Variants in CEP128 observed in about 807,000 individuals in gnomAD.
CEP128 encodes centrosomal protein 128.
Under a neutral mutation model 156.7 loss-of-function variants are expected in CEP128, and 132 were observed. The ratio of observed to expected loss-of-function variants is 0.84; its 90% CI spans 0.73 to 0.97. The LOEUF (loss-of-function observed/expected upper bound fraction) is 0.97. Among genes scored for constraint, CEP128 ranks in the 50% least tolerant of loss-of-function variants. CEP128 has a pLI of 0.00. For missense variants in CEP128, 1,252 were observed against 1,281.9 expected (o/e 0.98, Z 0.36); for synonymous variants, 469 against 448.9 (o/e 1.04, Z -0.57).
At position 80,660,548 on chromosome 14, in the gene CEP128, A is replaced by AC. The variant is rs577984887; in HGVS notation, c.2807-80126dup. 2.0e-5 allele frequency among the ~76,000 whole-genome samples: 3 copies of AC among 152,304 alleles called. No individual in the cohort carries two copies. In the East Asian group the frequency reaches 5.8e-4, roughly 29 times the overall value. On this transcript the variant is annotated intron_variant, in intron 19 of 24. Transcript: ENST00000555265. ...CAGCCTACATCATATTTGGGTATAG[A>AC]CAGACGCATGCTAAACAGCAACTCA...
At chr14:80,678,049 A>AAATATATATATAT in intron 19 of CEP128, among the ~76,000 whole-genome samples, 26 of 98,496 alleles carry the variant, frequency 2.6e-4, no homozygotes, top group African/African-American at 8.2e-4. Context: ...ATAAAAAAAA[A>AAATATATATATAT]ATATATATAT....
intron 2 of CEP128, among the ~76,000 whole-genome samples, chr14:80,950,906 G>GAAAAAAAAAAAAAAAAAA: frequency 8.7e-6 from 1 of 115,060 alleles, no homozygotes; most frequent in Non-Finnish European, 1.9e-5. Flanking sequence ...TCCCGAGTAA[G>GAAAAAAAAAAAAAAAAAA]AAAAAAAAAA....
chr14:80,746,835 A>G (rs573485356), intron 18 of CEP128, among the ~76,000 whole-genome samples: 58 of 152,356 alleles, frequency 3.8e-4, no homozygotes, highest in African/African-American at 1.3e-3. Flanking sequence ...TTTGCAACTC[A>G]ATGTCTAATA....
chr14:80,753,219 A>T (rs1188416869), intron 18 of CEP128, among the ~76,000 whole-genome samples: 1 of 152,200 alleles, frequency 6.6e-6, no homozygotes, highest in African/African-American at 2.4e-5. Context: ...AGTGCTAAAG[A>T]TGTAATAAGG....
intron 8 of CEP128, among the ~76,000 whole-genome samples, chr14:80,885,611 C>T (rs1240504798): frequency 1.3e-5 from 2 of 152,086 alleles, no homozygotes; most frequent in African/African-American, 4.8e-5. Context: ...CACAGAAAAG[C>T]CCCATCCAAA....
intron 6 of CEP128, among the ~76,000 whole-genome samples, chr14:80,904,457 T>C (rs1455131467): frequency 2.0e-5 from 3 of 152,048 alleles, no homozygotes; most frequent in Non-Finnish European, 4.4e-5. Flanking sequence ...ATGTCAATAA[T>C]AATGTATTAT....
At chr14:80,896,794 CA>C (rs1385771099) in intron 7 of CEP128, among the ~76,000 whole-genome samples, 15 of 152,128 alleles carry the variant, frequency 9.9e-5, no homozygotes, top group Non-Finnish European at 1.2e-4. Flanking sequence ...GAATGGTCAA[CA>C]AACCATCTAT....
intron 14 of CEP128, among the ~76,000 whole-genome samples, chr14:80,479,828 A>G (rs1296670768): frequency 6.6e-6 from 1 of 152,234 alleles, no homozygotes; most frequent in Non-Finnish European, 1.5e-5. Flanking sequence ...AGCCTGTAAA[A>G]TTAAAAGGAA....
chr14:80,777,625 T>A (rs1302921630), intron 16 of CEP128, among the ~76,000 whole-genome samples: 5 of 152,224 alleles, frequency 3.3e-5, no homozygotes, highest in African/African-American at 1.2e-4. Context: ...CCTTTTTTTC[T>A]ACTTCATTTC....
chr14:80,638,104 C>T (rs1007265062), intron 19 of CEP128, among the ~76,000 whole-genome samples: 1 of 152,172 alleles, frequency 6.6e-6, no homozygotes, highest in Non-Finnish European at 1.5e-5. Flanking sequence ...AGGAACTAAA[C>T]GAATACACTC....
chr14:80,509,713 A>G (rs1463871413), intron 23 of CEP128, among the ~76,000 whole-genome samples: 1 of 152,150 alleles, frequency 6.6e-6, no homozygotes, highest in African/African-American at 2.4e-5. Context: ...TGCACGATCC[A>G]ATATCCTGGA....
At chr14:80,630,553 A>C (rs550670563) in intron 19 of CEP128, among the ~76,000 whole-genome samples, 1 of 152,150 alleles carries the variant, frequency 6.6e-6, no homozygotes, top group East Asian at 1.9e-4. Flanking sequence ...CTTGGCAAGA[A>C]ATTAAGTCAT....
intron 14 of CEP128, among the ~76,000 whole-genome samples, chr14:80,791,918 A>G (rs1595405208): frequency 6.6e-6 from 1 of 152,248 alleles, no homozygotes; most frequent in African/African-American, 2.4e-5. Context: ...AAGAAAGTCA[A>G]CTTATCCAAA....
intron 13 of CEP128, among the ~76,000 whole-genome samples, chr14:80,822,177 C>A (rs2140002429): frequency 6.6e-6 from 1 of 152,228 alleles, no homozygotes; most frequent in Admixed American, 6.5e-5. Flanking sequence ...ATTTCAAAAC[C>A]AATCATGCCT....
intron 15 of CEP128, among the ~76,000 whole-genome samples, chr14:80,778,534 T>C (rs1900925326): frequency 6.6e-6 from 1 of 152,224 alleles, no homozygotes; most frequent in Non-Finnish European, 1.5e-5. Context: ...TTCTATGAAA[T>C]AATGGTGTAC....
intron 19 of CEP128, among the ~76,000 whole-genome samples, chr14:80,594,074 C>T (rs1201102373): frequency 6.6e-6 from 1 of 152,178 alleles, no homozygotes; most frequent in Non-Finnish European, 1.5e-5. Flanking sequence ...TCAAACTATA[C>T]TACAAGGCTA....
At chr14:80,477,504 T>A (rs1886964896) in exon 15 of CEP128, 1 of 152,114 alleles carries the variant, frequency 6.6e-6, no homozygotes, top group Non-Finnish European at 1.5e-5. Flanking sequence ...GTAAAGCACC[T>A]CCCCGTGTTA....
intron 19 of CEP128, among the ~76,000 whole-genome samples, chr14:80,603,148 A>C (rs971728200): frequency 2.0e-5 from 3 of 152,220 alleles, no homozygotes; most frequent in Non-Finnish European, 4.4e-5. Flanking sequence ...TCAGCAAATG[A>C]GACAATGGCC....
rs537255030 is a variant in CEP128, at chr14:80,543,773, A to G, written c.2881-12887T>C. Among the ~76,000 whole-genome samples the G allele has an allele frequency of 4.4e-3, 670 of 152,326 alleles. 7 individuals are homozygous for G. Among genetic ancestry groups the G allele is most frequent in the African/African-American group, 0.015 (642 of 41,576 alleles). On this transcript the variant is annotated intron_variant, in intron 21 of 24. Transcript: ENST00000555265. ...ACAACAATGAAGCTTTGTGGCTGGT[A>G]GCAAATAGGAAAAAGAGTTGGTCTT...
Sources: gnomAD v4.1 joint callset for allele counts (sites outside exome capture counted in the v4.1 genomes callset) on GRCh38, gnomAD v4.1.1 for gene constraint, MANE v1.5 for transcripts, NCBI Gene and HGNC (gene_info 2026-07-23, HGNC 2026-07-21) for gene names.